SCG3: variants seen among roughly 807,000 people sequenced by gnomAD.
The protein encoded by SCG3 is secretogranin III, also known as secretogranin-3.
SCG3 carries 38 observed loss-of-function variants against 56.2 expected under a neutral mutation model. The observed-to-expected ratio is 0.68, with a 90% confidence interval of 0.52 to 0.89. The LOEUF (loss-of-function observed/expected upper bound fraction) is 0.89, where lower values mean the gene tolerates loss of function less well. Ranked by LOEUF, SCG3 falls within the 40% of genes least tolerant of loss-of-function variation. SCG3 has a pLI of 0.00. For missense variants in SCG3, 524 were observed against 540.7 expected (o/e 0.97, Z 0.31); for synonymous variants, 176 against 184.2 (o/e 0.96, Z 0.36).
intron 10 of SCG3, among the ~76,000 whole-genome samples, chr15:51,709,681 A>ATT (rs2055400576): frequency 9.2e-5 from 1 of 10,840 alleles, no homozygotes; most frequent in African/African-American, 3.1e-4. Context: ...ATATATATAT[A>ATT]TATATATATA....
intron 10 of SCG3, 67 bp downstream of exon 10, chr15:51,701,311 A>T (rs2055338368): frequency 6.8e-7 from 1 of 1,478,904 alleles, no homozygotes; most frequent in Non-Finnish European, 9.1e-7. Flanking sequence ...CACACAAGGG[A>T]GGGTGATCCA....
chr15:51,716,132 C>G (rs2141583725), intron 11 of SCG3, among the ~76,000 whole-genome samples: 1 of 152,332 alleles, frequency 6.6e-6, no homozygotes, highest in Middle Eastern at 3.4e-3. Context: ...GTTGGGATTA[C>G]AGGTGTGAGC....
At chr15:51,684,254 T>C (rs1409277052) in intron 4 of SCG3, among the ~76,000 whole-genome samples, 2 of 152,304 alleles carry the variant, frequency 1.3e-5, no homozygotes, top group African/African-American at 4.8e-5. Context: ...CAAGCTCCAA[T>C]TATGTCTCAT....
At chr15:51,689,163 T>C (rs1287874637) in intron 5 of SCG3, 56 bp from the exon 6 acceptor site, 1 of 1,556,990 alleles carries the variant, frequency 6.4e-7, no homozygotes, top group East Asian at 2.2e-5. Context: ...CACATTATTT[T>C]TTAATAACAA....
At chr15:51,715,441 A>G (rs1312009309) in intron 11 of SCG3, among the ~76,000 whole-genome samples, 1 of 152,034 alleles carries the variant, frequency 6.6e-6, no homozygotes, top group African/African-American at 2.4e-5. Flanking sequence ...TTTCTTAACC[A>G]TTGTTGCCAC....
intron 4 of SCG3, among the ~76,000 whole-genome samples, chr15:51,684,422 C>T (rs2622768): frequency 0.77 from 116,725 of 152,008 alleles, 45,022 homozygotes; most frequent in East Asian, 0.83. Flanking sequence ...ACTAAAAATA[C>T]AAAAATTAGC....
chr15:51,697,011 T>G (rs1437780192), intron 8 of SCG3, among the ~76,000 whole-genome samples: 3 of 152,156 alleles, frequency 2.0e-5, no homozygotes, highest in African/African-American at 7.2e-5. Flanking sequence ...TCCTTGACTG[T>G]AAAAGAGCAT....
At chr15:51,686,066 G>T (rs1198037174) in intron 4 of SCG3, among the ~76,000 whole-genome samples, 1 of 152,222 alleles carries the variant, frequency 6.6e-6, no homozygotes, top group Non-Finnish European at 1.5e-5. Flanking sequence ...CTGGGCAGAT[G>T]ATGACTTGGG....
chr15:51,712,750 T>C (rs966295307), intron 10 of SCG3, among the ~76,000 whole-genome samples: 3 of 152,196 alleles, frequency 2.0e-5, no homozygotes, highest in Admixed American at 6.5e-5. Context: ...TGGGGAGTTT[T>C]ATTAGAGCCA....
Position 51,688,313 on chromosome 15 carries a change from A to T in SCG3, c.451A>T (p.Ile151Phe). The change falls in exon 5 of 12, where the codon ATT (isoleucine) becomes TTT (phenylalanine). Residue 151 changes from isoleucine (I) to phenylalanine (F), a missense_variant. Transcript: ENST00000220478. Reference protein sequence around the residue: ...LDGTPLTAEDIVHKIAARIYE... With the variant: ...LDGTPLTAEDFVHKIAARIYE... Reference sequence around the variant, plus strand: ...CGGGACTCCTTTAACCGCTGAAGACATTGTCCATAAAATCGCTGCCAGGAT... The same window carrying T: ...CGGGACTCCTTTAACCGCTGAAGACTTTGTCCATAAAATCGCTGCCAGGAT... The T allele has an allele frequency of 6.2e-7, 1 of 1,613,934 alleles. No individual in the cohort carries two copies. The highest frequency in any genetic ancestry group is 1.7e-5 in the Admixed American group (1 of 59,996).
chr15:51,683,613 A>C (rs937286787), intron 4 of SCG3, among the ~76,000 whole-genome samples, 179 bp downstream of exon 4: 1 of 152,162 alleles, frequency 6.6e-6, no homozygotes, highest in Non-Finnish European at 1.5e-5. Context: ...ACAGAGTGCC[A>C]TATTTTATTT....
At chr15:51,704,764 CATATATATATATAT>C (rs56192434) in intron 10 of SCG3, among the ~76,000 whole-genome samples, 13 of 67,036 alleles carry the variant, frequency 1.9e-4, no homozygotes, top group South Asian at 6.3e-4. Flanking sequence ...GTGAGTAATA[CATATATATATATAT>C]ATATATATAT....
At chr15:51,713,292 T>C (rs1470256574) in intron 10 of SCG3, 41 bp from the exon 11 acceptor site, 4 of 1,288,036 alleles carry the variant, frequency 3.1e-6, no homozygotes, top group Non-Finnish European at 4.4e-6. Flanking sequence ...GATGTAGTGA[T>C]ATTTCCTGAG....
At chr15:51,698,384 G>A (rs1005305873) in intron 8 of SCG3, among the ~76,000 whole-genome samples, 1 of 152,268 alleles carries the variant, frequency 6.6e-6, no homozygotes, top group South Asian at 2.1e-4. Flanking sequence ...TTAATATGAT[G>A]CTACTCCAAA....
Position 51,719,441 on chromosome 15 carries a change from A to G in SCG3, c.1322A>G (p.Asn441Ser). 2 of 1,614,092 alleles carry G rather than the reference A, an allele frequency of 1.2e-6. No individual in the cohort carries two copies. Among genetic ancestry groups the G allele is most frequent in the Non-Finnish European group, 1.7e-6 (2 of 1,179,950 alleles). The change falls in exon 12 of 12, where the codon AAT (asparagine) becomes AGT (serine). Residue 441 changes from asparagine to serine, a missense_variant. Physicochemically the swap from Asn to Ser is conservative, Grantham distance 46. Coordinates refer to ENST00000220478, the MANE Select transcript of SCG3 (RefSeq NM_013243.4). ...CTTTCAAAGATGAGAGACTTCATCA[A>G]TAAACAAGCTGATGCTTATGTGGAG... ...YDLSKMRDFI[N>S]KQADAYVEKG... is the part of the protein sequence containing the mutation.
chr15:51,685,253 C>T (rs983665960), intron 4 of SCG3, among the ~76,000 whole-genome samples: 4 of 152,188 alleles, frequency 2.6e-5, no homozygotes, highest in Admixed American at 6.5e-5. Context: ...CAAATAGACA[C>T]TGATTATAAC....
intron 6 of SCG3, among the ~76,000 whole-genome samples, chr15:51,691,815 T>A (rs1473557866): frequency 6.6e-6 from 1 of 152,106 alleles, no homozygotes; most frequent in African/African-American, 2.4e-5. Flanking sequence ...ACTCAAAGCT[T>A]CCCTCTTCAT....
intron 11 of SCG3, among the ~76,000 whole-genome samples, chr15:51,717,323 A>G (rs2055463625): frequency 6.6e-6 from 1 of 151,204 alleles, no homozygotes; most frequent in Admixed American, 6.6e-5. Context: ...AGCTGAGATC[A>G]CGCCACTGCA....
At chr15:51,708,274 C>T (rs1335610990) in intron 10 of SCG3, 2 of 152,202 alleles carry the variant, frequency 1.3e-5, no homozygotes, top group Non-Finnish European at 2.9e-5. Context: ...CTTTACAGCT[C>T]CTGCAAAGAG....
Sources: allele counts gnomAD v4.1 joint callset (sites outside exome capture counted in the v4.1 genomes callset), GRCh38; gene constraint gnomAD v4.1.1; transcripts MANE v1.5; gene names NCBI Gene and HGNC (gene_info 2026-07-23, HGNC 2026-07-21).